Variants in AATK observed in about 807,000 individuals in gnomAD.
AATK encodes lemur tail kinase 1.
In AATK, 91 loss-of-function variants were observed where a neutral mutation model predicts 114.3. The observed-to-expected ratio is 0.80, with a 90% CI of 0.67 to 0.95. The LOEUF (loss-of-function observed/expected upper bound fraction) is 0.95, where lower values mean the gene tolerates loss of function less well. Among genes scored for constraint, AATK ranks in the 40% least tolerant of loss-of-function variants. The pLI is 0.00. For synonymous variants in AATK, 1,075 were observed against 916.5 expected, an observed-to-expected ratio of 1.17 and a Z score of -3.12; for missense variants, 2,176 against 1,965.2, an observed-to-expected ratio of 1.11 and a Z score of -2.03.
In AATK at chr17:81,121,703, G is replaced by T. The variant is rs762617969; in HGVS notation, c.2233C>A (p.Leu745Ile). Residue 745 changes from leucine to isoleucine, a missense_variant, in exon 11 of 14, where the codon CTC becomes ATC. Physicochemically the swap from Leu to Ile is conservative, Grantham distance 5. Transcript: ENST00000326724. Reference protein sequence around the residue: ...SAQEPGCCPGLPHLCSAQGLA... With the variant: ...SAQEPGCCPGIPHLCSAQGLA... ...CCCTGGGCAGAGCATAGATGAGGGA[G>T]GCCGGGGCAGCAGCCTGGCTCCTGG... is the stretch of plus-strand genomic sequence containing the variant. The T allele has an allele frequency of 5.1e-5, 76 of 1,496,052 alleles. No individual in the cohort carries two copies. In the African/African-American group the frequency reaches 1.0e-3, roughly 20 times the overall value. The allele number at this position is 1,496,052 out of a possible 1,614,324, so 92.7% of individuals were successfully genotyped here.
chr17:81,133,854 C>T (rs2060971946), intron 2 of AATK, among the ~76,000 whole-genome samples: 1 of 152,182 alleles, frequency 6.6e-6, no homozygotes, highest in Non-Finnish European at 1.5e-5. Context: ...CACATCGTCC[C>T]CTCCAGAAGG....
Position 81,121,053 on chromosome 17 carries a change from C to A in AATK, c.2883G>T (p.Gln961His), listed in dbSNP as rs775188419. Residue 961 changes from glutamine (Q) to histidine (H), a missense_variant, in exon 11 of 14, where the codon CAG becomes CAT. By Grantham distance (24) the Gln-to-His change is conservative. Transcript: ENST00000326724. ...CCTCTGAGGCCAGCTCCGCAAAGGC[C>A]TGGGGCTCACACCCTTCCTGCGCCT... ...LKEAQEGCEPQAFAELASEGE... is the reference protein window; with the variant it reads ...LKEAQEGCEPHAFAELASEGE... 6.8e-6 allele frequency: 11 copies of A among 1,609,232 alleles called. 3 individuals carry two copies. In the South Asian group the frequency reaches 1.2e-4, roughly 18 times the overall value.
In AATK at chr17:81,122,595, G is replaced by A. The variant is rs1336221271; in HGVS notation, c.1341C>T (p.Phe447=). Residue 447 remains phenylalanine, a synonymous_variant, in exon 11 of 14, where the codon TTC becomes TTT. Coordinates refer to ENST00000326724, the MANE Select transcript of AATK (RefSeq NM_001080395.3). ...CGCCCGCGAACTGCTCCAGCAGCGG[G>A]AAGGACGAGGCAGCGGCGAGCTCCA... The part of the protein sequence containing the change: ...GVVELAAASS[F]PLLEQFAGDG... The A allele has an allele frequency of 7.6e-6, 11 of 1,439,306 alleles. No homozygotes were observed. Among genetic ancestry groups the A allele is most frequent in the African/African-American group, 1.5e-5 (1 of 66,570 alleles). 89.2% of individuals were successfully genotyped at this position (1,439,306 alleles called of 1,614,324 possible).
At chr17:81,131,826 C>T (rs1006180321) in intron 2 of AATK, 97 of 1,293,342 alleles carry the variant, frequency 7.5e-5, no homozygotes, top group Non-Finnish European at 9.3e-5. Flanking sequence ...TGCCCCCACC[C>T]CTGCCGGGAC....
At chr17:81,146,401 C>T (rs1403170702) in intron 1 of AATK, among the ~76,000 whole-genome samples, 5 of 151,704 alleles carry the variant, frequency 3.3e-5, no homozygotes, top group Admixed American at 6.6e-5. Flanking sequence ...GTGAAGTCAG[C>T]TCACAAATGA....
intron 1 of AATK, among the ~76,000 whole-genome samples, chr17:81,143,210 C>A (rs896945483): frequency 6.6e-6 from 1 of 152,046 alleles, no homozygotes; most frequent in Admixed American, 6.5e-5. Context: ...CCCCCACCCC[C>A]GCAACGTGCA....
chr17:81,151,609 CA>C (rs1479119317), intron 1 of AATK, among the ~76,000 whole-genome samples: 1 of 152,144 alleles, frequency 6.6e-6, no homozygotes, highest in Non-Finnish European at 1.5e-5. Context: ...ACCCTGACCC[CA>C]AGAGCTGGAA....
intron 1 of AATK, among the ~76,000 whole-genome samples, chr17:81,149,126 G>A (rs2061262202): frequency 1.3e-5 from 2 of 152,148 alleles, no homozygotes; most frequent in Non-Finnish European, 2.9e-5. Flanking sequence ...CGGGGCCGGG[G>A]CAGCCCCGCC....
chr17:81,130,979 T>C (rs1253649399), intron 3 of AATK, 82 bp downstream of exon 3: 11 of 1,480,366 alleles, frequency 7.4e-6, no homozygotes, highest in Non-Finnish European at 9.9e-6. Flanking sequence ...GAGCTGAGTC[T>C]TCCGGTCTCC....
chr17:81,128,753 G>C, intron 3 of AATK: 1 of 1,393,016 alleles, frequency 7.2e-7, no homozygotes, highest in Non-Finnish European at 9.3e-7. Context: ...AAGCCACGGA[G>C]CTGCAGGATC....
Position 81,128,380 on chromosome 17 carries a change from C to T in AATK, c.414+90G>A. 3 of 1,443,498 alleles carry T rather than the reference C, an allele frequency of 2.1e-6. No homozygotes were observed. The East Asian group carries it at 7.9e-5, about 38-fold the overall frequency. The allele number at this position is 1,443,498 out of a possible 1,614,324, so 89.4% of individuals were successfully genotyped here. On this transcript the variant is annotated intron_variant, in intron 4 of 13. Transcript: ENST00000326724. ...GAGACTGAAGAAGGGACCGTCGGGGCTGGGGTGGCTCCTAGGAGGAGCAGG... is the reference window on the plus strand; with the variant it reads ...GAGACTGAAGAAGGGACCGTCGGGGTTGGGGTGGCTCCTAGGAGGAGCAGG...
chr17:81,138,455 G>GCACACA (rs139901979), intron 1 of AATK, among the ~76,000 whole-genome samples: 163 of 146,158 alleles, frequency 1.1e-3, no homozygotes, highest in African/African-American at 4.1e-3. Flanking sequence ...AGATGCATGT[G>GCACACA]CACACACACC....
chr17:81,124,905 G>GGGCCCCCCCCC, intron 8 of AATK, 25 bp downstream of exon 8: 2 of 1,503,214 alleles, frequency 1.3e-6, no homozygotes, highest in Non-Finnish European at 1.8e-6. Flanking sequence ...CTCATGCCCA[G>GGGCCCCCCCCC]CCCAGCCCAC....
Position 81,122,783 on chromosome 17 carries a change from G to A in AATK, c.1153C>T (p.Arg385Trp), listed in dbSNP as rs866605839. The A allele has an allele frequency of 1.3e-6, 2 of 1,584,876 alleles. No individual in the cohort carries two copies. Among genetic ancestry groups the A allele is most frequent in the Admixed American group, 3.6e-5 (2 of 55,626 alleles). The change falls in exon 11 of 14, where the codon CGG (arginine) becomes TGG (tryptophan). Residue 385 changes from arginine (R) to tryptophan (W), a missense_variant. Transcript: ENST00000326724. ...MQFCWLQPEQ[R>W]PTAEEVHLLL... is the part of the protein sequence containing the mutation. ...AGGTGCACCTCCTCGGCTGTGGGCCGCTGCTCGGGCTGCAGCCAGCAGAAC... is the reference window on the plus strand; with the variant it reads ...AGGTGCACCTCCTCGGCTGTGGGCCACTGCTCGGGCTGCAGCCAGCAGAAC...
rs574125102 is a variant in AATK, at chr17:81,121,994, A to T, written c.1942T>A (p.Leu648Met). The change falls in exon 11 of 14, where the codon TTG (leucine) becomes ATG (methionine). Residue 648 changes from leucine (L) to methionine (M), a missense_variant. Leu to Met is a conservative substitution (Grantham distance 15, BLOSUM62 2). Around this residue, in one of 4 missense-constraint regions of AATK, gnomAD observed 1,701 missense variants for 1,394.7 expected, o/e 1.22. Coordinates refer to ENST00000326724, the MANE Select transcript of AATK (RefSeq NM_001080395.3). ...FFEDPLGTSP[L>M]GSSGAPPLPL... is the part of the protein sequence containing the mutation. ...AGCGGGGGCGCCCCTGAGCTCCCCA[A>T]AGGGGACGTGCCCAGTGGGTCCTCG... The T allele has an allele frequency of 1.9e-6, 3 of 1,601,976 alleles. No homozygotes were observed. Among genetic ancestry groups the T allele is most frequent in the Admixed American group, 1.7e-5 (1 of 59,968 alleles).
chr17:81,121,736 C>A lies in AATK; in HGVS notation c.2200G>T (p.Ala734Ser). 1 of 1,498,978 alleles carries A rather than the reference C, an allele frequency of 6.7e-7. No individual in the cohort carries two copies. Among genetic ancestry groups the A allele is most frequent in the Non-Finnish European group, 8.9e-7 (1 of 1,128,038 alleles). The allele number at this position is 1,498,978 out of a possible 1,614,324, so 92.9% of individuals were successfully genotyped here. Residue 734 changes from alanine to serine, a missense_variant, in exon 11 of 14, where the codon GCC becomes TCC. Transcript: ENST00000326724. ...PGEPLLGLQA[A>S]SAQEPGCCPG... ...CAGCAGCCTGGCTCCTGGGCAGAGG[C>A]TGCCTGGAGCCCAAGCAGAGGCTCT... is the stretch of plus-strand genomic sequence containing the variant.
At chr17:81,164,466 C>T (rs1490682464) in intron 1 of AATK, among the ~76,000 whole-genome samples, 1 of 152,234 alleles carries the variant, frequency 6.6e-6, no homozygotes, top group South Asian at 2.1e-4. Flanking sequence ...CGCCCCTTGC[C>T]TCCAACAACT....
At chr17:81,152,038 G>A (rs1464833603) in intron 1 of AATK, among the ~76,000 whole-genome samples, 1 of 152,200 alleles carries the variant, frequency 6.6e-6, no homozygotes, top group Non-Finnish European at 1.5e-5. Context: ...ACTTTGGGAG[G>A]CTGAGGTGGG....
At chr17:81,144,496 G>A (rs546113397) in intron 1 of AATK, among the ~76,000 whole-genome samples, 70 of 152,328 alleles carry the variant, frequency 4.6e-4, no homozygotes, top group African/African-American at 1.1e-3. Context: ...AGGCGGGGCC[G>A]CTGCAGCTGG....
Sources: allele counts gnomAD v4.1 joint callset (sites outside exome capture counted in the v4.1 genomes callset), GRCh38; gene constraint gnomAD v4.1.1; regional missense constraint gnomAD v4.1.1; transcripts MANE v1.5; gene names NCBI Gene and HGNC (gene_info 2026-07-23, HGNC 2026-07-21).